ACO2: variants seen among roughly 807,000 people sequenced by gnomAD.
ACO2 encodes the protein aconitase 2, also known as aconitate hydratase, mitochondrial.
ACO2 carries 31 observed loss-of-function variants against 84.5 expected under a neutral mutation model. The observed-to-expected ratio is 0.37, with a 90% CI of 0.28 to 0.50. The LOEUF (loss-of-function observed/expected upper bound fraction) is 0.50, where lower values mean the gene tolerates loss of function less well. ACO2 is among the 20% of genes least tolerant of loss of function. The pLI is 0.97. For synonymous variants in ACO2, 414 were observed against 412.7 expected (o/e 1.00, Z -0.04); for missense variants, 685 against 1,029.3 (o/e 0.67, Z 4.58).
intron 1 of ACO2, among the ~76,000 whole-genome samples, chr22:41,478,991 C>G (rs778542177): frequency 2.0e-5 from 3 of 152,126 alleles, no homozygotes; most frequent in Non-Finnish European, 4.4e-5. Flanking sequence ...CCTTGACCTT[C>G]TGCAGGGCAT....
chr22:41,528,647 A>G lies in ACO2; in HGVS notation c.*34A>G. ...CCTCCCCGCCCCGCCGCTGGCGTCA[A>G]GTTCAGCTCCACGTGTGCCATCAGT... On this transcript the variant is annotated 3_prime_UTR_variant, in exon 18 of 18. Coordinates refer to ENST00000216254, the MANE Select transcript of ACO2 (RefSeq NM_001098.3). 1.9e-6 allele frequency: 3 copies of G among 1,606,962 alleles called. No individual in the cohort carries two copies. The highest frequency in any genetic ancestry group is 2.5e-6 in the Non-Finnish European group (3 of 1,178,298).
chr22:41,494,400 G>A (rs2066296320), intron 1 of ACO2, among the ~76,000 whole-genome samples: 1 of 149,826 alleles, frequency 6.7e-6, no homozygotes, highest in African/African-American at 2.5e-5. Flanking sequence ...CCCATAAGTT[G>A]TATTCTGTAT....
intron 8 of ACO2, 114 bp from the exon 9 acceptor site, chr22:41,520,055 CAA>C (rs2066509788): frequency 7.1e-6 from 6 of 845,186 alleles, no homozygotes. Context: ...AGGTTTCAGT[CAA>C]GAGAAAGTCG....
chr22:41,528,352 G>A, intron 17 of ACO2, 127 bp from the exon 18 acceptor site: 4 of 1,358,376 alleles, frequency 2.9e-6, no homozygotes, highest in South Asian at 1.4e-5. Flanking sequence ...GCACAGACTG[G>A]CCTAGGATTT....
chr22:41,478,439 T>A (rs1051728418), intron 1 of ACO2, among the ~76,000 whole-genome samples: 2 of 152,188 alleles, frequency 1.3e-5, no homozygotes, highest in Non-Finnish European at 2.9e-5. Context: ...CCACTGCGCC[T>A]GGCCAAGAAA....
chr22:41,477,265 T>C (rs1227849839), intron 1 of ACO2, among the ~76,000 whole-genome samples: 2 of 151,886 alleles, frequency 1.3e-5, no homozygotes, highest in African/African-American at 2.4e-5. Flanking sequence ...GCCATTCTCC[T>C]GCCTCAGCCT....
chr22:41,526,119 A>ACACGTG, intron 14 of ACO2, 143 bp from the exon 15 acceptor site: 1 of 674,768 alleles, frequency 1.5e-6, no homozygotes, highest in Non-Finnish European at 2.5e-6. Flanking sequence ...GGACCACAGA[A>ACACGTG]CACGTGTCTG....
rs867028721 is a variant in ACO2, at chr22:41,521,050, A to G, written c.1138+774A>G. Among the ~76,000 whole-genome samples the G allele has an allele frequency of 6.2e-4, 86 of 139,426 alleles. 1 individual carries two copies. The highest frequency in any genetic ancestry group is 3.9e-3 in the Middle Eastern group (1 of 254). The allele number at this position is 139,426 out of a possible 152,430, so 91.5% of individuals were successfully genotyped here. ...AGCCTGCCTCCAAAAAAAAAAAAAA[A>G]AAAAAAAAAGAAAGAAAAGAAAAAT... is the stretch of plus-strand genomic sequence containing the variant. On this transcript the variant is annotated intron_variant, in intron 9 of 17. Transcript: ENST00000216254.
intron 16 of ACO2, 196 bp from the exon 17 acceptor site, chr22:41,527,705 C>A: frequency 1.1e-6 from 1 of 890,934 alleles, no homozygotes; most frequent in Non-Finnish European, 1.7e-6. Context: ...GAAGGCCTCG[C>A]AGACCTCAGC....
At position 41,515,707 on chromosome 22, in the gene ACO2, C is replaced by T. The variant is rs2066470748; in HGVS notation, c.685-60C>T. The T allele has an allele frequency of 1.2e-6, 2 of 1,610,064 alleles. No individual in the cohort carries two copies. Among genetic ancestry groups the T allele is most frequent in the Non-Finnish European group, 1.7e-6 (2 of 1,178,330 alleles). ...GTGAATGGCAGCAGGGCCATCCTGA[C>T]TTCGTGGCTGGCACAGGCACACACG... On this transcript the variant is annotated intron_variant, in intron 5 of 17. Transcript: ENST00000216254. The surrounding 1 kb of genome is among the most constrained non-coding windows in gnomAD (Gnocchi z 5.8).
rs532797144 is a variant in ACO2 at position 41,489,977 on chromosome 22, G to T, written c.37-9749G>T. Among the ~76,000 whole-genome samples the T allele has an allele frequency of 6.6e-5, 10 of 152,092 alleles. No homozygotes were observed. The South Asian group carries it at 1.9e-3, about 28-fold the overall frequency. Reference sequence around the variant, plus strand: ...TATGCTTTTCTTCACTATTTGCCTGGTTTATTTTTTCTTTTTCTGATTACA... The same window carrying T: ...TATGCTTTTCTTCACTATTTGCCTGTTTTATTTTTTCTTTTTCTGATTACA... On this transcript the variant is annotated intron_variant, in intron 1 of 17. Coordinates refer to ENST00000216254, the MANE Select transcript of ACO2 (RefSeq NM_001098.3).
chr22:41,502,215 C>G (rs1275884788), intron 2 of ACO2, among the ~76,000 whole-genome samples: 2 of 152,166 alleles, frequency 1.3e-5, no homozygotes, highest in Non-Finnish European at 2.9e-5. Context: ...CCACTCCCAG[C>G]AATTCTGATT....
At chr22:41,474,413 C>T (rs1004770373) in intron 1 of ACO2, among the ~76,000 whole-genome samples, 4 of 148,978 alleles carry the variant, frequency 2.7e-5, no homozygotes, top group African/African-American at 1.0e-4. Context: ...CCTGCCTCAG[C>T]CTCCCGAGTT....
chr22:41,512,747 T>C (rs1357851289), intron 4 of ACO2, among the ~76,000 whole-genome samples: 1 of 152,184 alleles, frequency 6.6e-6, no homozygotes, highest in African/African-American at 2.4e-5. Context: ...TGGTGGACAG[T>C]TGGACAGTTT....
At chr22:41,521,917 G>T (rs1338893386) in intron 9 of ACO2, among the ~76,000 whole-genome samples, 1 of 152,010 alleles carries the variant, frequency 6.6e-6, no homozygotes, top group Admixed American at 6.6e-5. Context: ...GACTACAGGC[G>T]CCCGCCACCA....
intron 1 of ACO2, among the ~76,000 whole-genome samples, chr22:41,478,201 G>A (rs761645459): frequency 3.9e-5 from 6 of 152,072 alleles, no homozygotes; most frequent in Non-Finnish European, 7.4e-5. Context: ...TGGATGCAGT[G>A]GCATGATCTC....
intron 2 of ACO2, among the ~76,000 whole-genome samples, chr22:41,507,215 A>G (rs192882032): frequency 1.4e-3 from 213 of 152,196 alleles, no homozygotes; most frequent in African/African-American, 4.9e-3. Flanking sequence ...GCAAAGTCTT[A>G]GTGTCATAGT....
Position 41,520,273 on chromosome 22 carries a change from G to A in ACO2, c.1135G>A (p.Val379Met), listed in dbSNP as rs1002288651. The A allele has an allele frequency of 6.2e-7, 1 of 1,613,524 alleles. No homozygotes were observed. Among genetic ancestry groups the A allele is most frequent in the Admixed American group, 1.7e-5 (1 of 60,006 alleles). ...EKEGWPLDIR[V>M]GLIGSCTNSS... Reference sequence around the variant, plus strand: ...GGAAGGATGGCCTCTGGACATCCGAGTGGGTGAGCACCTTCCACCCCATCT... The same window carrying A: ...GGAAGGATGGCCTCTGGACATCCGAATGGGTGAGCACCTTCCACCCCATCT... The change falls in exon 9 of 18, where the codon GTG becomes ATG. Residue 379 changes from valine (V) to methionine (M), a missense_variant. Transcript: ENST00000216254.
At chr22:41,477,832 C>T (rs945601734) in intron 1 of ACO2, among the ~76,000 whole-genome samples, 3 of 151,816 alleles carry the variant, frequency 2.0e-5, no homozygotes, top group African/African-American at 4.8e-5. Context: ...TTTGGGAGGC[C>T]GAGATGGGTG....
Sources: allele counts gnomAD v4.1 joint callset (sites outside exome capture counted in the v4.1 genomes callset), GRCh38; gene constraint gnomAD v4.1.1; non-coding constraint Gnocchi (gnomAD v3.1); transcripts MANE v1.5; gene names NCBI Gene and HGNC (gene_info 2026-07-23, HGNC 2026-07-21).